RAPGEF4: variants seen among roughly 807,000 people sequenced by gnomAD.
The protein encoded by RAPGEF4 is RAP guanine-nucleotide-exchange factor (GEF) 4.
In RAPGEF4, 66 loss-of-function variants were observed where a neutral mutation model predicts 147.9. The ratio of observed to expected loss-of-function variants is 0.45; its 90% CI spans 0.37 to 0.55. The LOEUF is 0.55. Among genes scored for constraint, RAPGEF4 ranks in the 20% least tolerant of loss-of-function variants. The pLI is 0.00. For synonymous variants in RAPGEF4, 419 were observed against 442.7 expected, an observed-to-expected ratio of 0.95 and a Z score of 0.67; for missense variants, 1,071 against 1,257.3, an observed-to-expected ratio of 0.85 and a Z score of 2.24.
rs77728455 is a variant in RAPGEF4, at chr2:172,937,989, A to C, written c.537+15689A>C. On this transcript the variant is annotated intron_variant, in intron 6 of 30. Transcript: ENST00000397081. Reference sequence around the variant, plus strand: ...TTTGTTTTATTTTGTTTTATGGAGCACTGCCTTACCTGTGGCACAACTAGT... The same window carrying C: ...TTTGTTTTATTTTGTTTTATGGAGCCCTGCCTTACCTGTGGCACAACTAGT... 2.1e-3 allele frequency among the ~76,000 whole-genome samples: 325 copies of C among 152,180 alleles called. 1 individual carries two copies. Among genetic ancestry groups the C allele is most frequent in the African/African-American group, 7.3e-3 (304 of 41,514 alleles).
intron 6 of RAPGEF4, among the ~76,000 whole-genome samples, chr2:172,929,055 CA>C (rs1406318007): frequency 7.9e-5 from 12 of 152,104 alleles, no homozygotes; most frequent in Non-Finnish European, 1.3e-4. Flanking sequence ...TCGTCATCAC[CA>C]GTTACTTTGG....
At chr2:172,798,927 A>G (rs1266760747) in intron 3 of RAPGEF4, among the ~76,000 whole-genome samples, 1 of 152,182 alleles carries the variant, frequency 6.6e-6, no homozygotes, top group African/African-American at 2.4e-5. Flanking sequence ...TGAAAATTCC[A>G]TTAGACACAG....
intron 6 of RAPGEF4, among the ~76,000 whole-genome samples, chr2:172,925,143 C>A (rs1231104815): frequency 6.6e-6 from 1 of 152,144 alleles, no homozygotes; most frequent in Non-Finnish European, 1.5e-5. Context: ...CCATGCCTGG[C>A]TAATTTTTTC....
intron 1 of RAPGEF4, among the ~76,000 whole-genome samples, chr2:172,750,271 T>G (rs991843163): frequency 6.6e-6 from 1 of 152,032 alleles, no homozygotes; most frequent in Non-Finnish European, 1.5e-5. Flanking sequence ...CCGAGACTGG[T>G]TAATTTATAA....
intron 6 of RAPGEF4, among the ~76,000 whole-genome samples, chr2:172,934,545 A>G (rs1392123102): frequency 6.6e-6 from 1 of 152,198 alleles, no homozygotes; most frequent in East Asian, 1.9e-4. Context: ...GTCCAATGCA[A>G]TGAATTATTG....
At chr2:172,836,209 A>G (rs964119707) in intron 4 of RAPGEF4, among the ~76,000 whole-genome samples, 5 of 152,204 alleles carry the variant, frequency 3.3e-5, no homozygotes, top group South Asian at 4.1e-4. Context: ...CTTCCTTTGA[A>G]TGCCAAAAAT....
intron 17 of RAPGEF4, among the ~76,000 whole-genome samples, chr2:173,003,828 A>C (rs4972524): frequency 0.28 from 42,239 of 152,098 alleles, 6,482 homozygotes; most frequent in African/African-American, 0.39. Flanking sequence ...TGCTTAACAG[A>C]ACACCTGCAA....
At chr2:172,990,025 AAAAAG>A (rs1395768136) in intron 14 of RAPGEF4, among the ~76,000 whole-genome samples, 1 of 151,768 alleles carries the variant, frequency 6.6e-6, no homozygotes, top group Non-Finnish European at 1.5e-5. Flanking sequence ...TGCAAAAAAA[AAAAAG>A]AAAAGAAAAA....
chr2:172,822,983 G>A (rs1689243488), intron 4 of RAPGEF4, among the ~76,000 whole-genome samples: 1 of 152,190 alleles, frequency 6.6e-6, no homozygotes, highest in African/African-American at 2.4e-5. Context: ...CCCTCTGTCT[G>A]CTTTTCTGTG....
chr2:172,879,422 A>T (rs1696348324), intron 4 of RAPGEF4, among the ~76,000 whole-genome samples: 1 of 152,248 alleles, frequency 6.6e-6, no homozygotes, highest in South Asian at 2.1e-4. Flanking sequence ...GTAATACTAT[A>T]TACCAAACCG....
intron 3 of RAPGEF4, among the ~76,000 whole-genome samples, chr2:172,809,242 T>G (rs906032830): frequency 6.6e-6 from 1 of 152,064 alleles, no homozygotes; most frequent in Non-Finnish European, 1.5e-5. Context: ...GGTAGCATGA[T>G]GAGACTTGGC....
chr2:172,882,306 C>T (rs1298557586), intron 4 of RAPGEF4, among the ~76,000 whole-genome samples: 1 of 152,156 alleles, frequency 6.6e-6, no homozygotes, highest in Non-Finnish European at 1.5e-5. Flanking sequence ...TTCCTCTTTG[C>T]AGTCCTGTGT....
At chr2:172,948,530 G>A (rs945541487) in intron 6 of RAPGEF4, among the ~76,000 whole-genome samples, 17 of 152,084 alleles carry the variant, frequency 1.1e-4, no homozygotes, top group Non-Finnish European at 5.9e-5. Context: ...CAGGATCCAA[G>A]ACAGTCTGTT....
chr2:172,831,391 C>T (rs1224405904), intron 4 of RAPGEF4, among the ~76,000 whole-genome samples: 1 of 150,484 alleles, frequency 6.6e-6, no homozygotes, highest in South Asian at 2.1e-4. Context: ...GCCTCAGCCT[C>T]CTGAGTAGCT....
At chr2:172,847,059 T>G (rs1482579985) in intron 4 of RAPGEF4, among the ~76,000 whole-genome samples, 1 of 152,210 alleles carries the variant, frequency 6.6e-6, no homozygotes, top group Non-Finnish European at 1.5e-5. Flanking sequence ...AATACCATTC[T>G]GGCAAGAATC....
At chr2:172,866,409 T>G in intron 4 of RAPGEF4, among the ~76,000 whole-genome samples, 1 of 152,146 alleles carries the variant, frequency 6.6e-6, no homozygotes, top group East Asian at 1.9e-4. Context: ...CTTGAAATAT[T>G]ATTTTCTTGC....
At chr2:173,007,447 C>T (rs1694595119) in intron 17 of RAPGEF4, among the ~76,000 whole-genome samples, 1 of 152,086 alleles carries the variant, frequency 6.6e-6, no homozygotes. Context: ...AGACTTAAAC[C>T]CAGAAATGCC....
chr2:172,983,211 A>G (rs1691866281), intron 10 of RAPGEF4, among the ~76,000 whole-genome samples: 1 of 152,196 alleles, frequency 6.6e-6, no homozygotes, highest in South Asian at 2.1e-4. Flanking sequence ...ACAAAGTGAG[A>G]GATGAGTTGG....
At chr2:172,933,710 A>C (rs1284962525) in intron 6 of RAPGEF4, among the ~76,000 whole-genome samples, 1 of 152,216 alleles carries the variant, frequency 6.6e-6, no homozygotes, top group Non-Finnish European at 1.5e-5. Context: ...TTATATATTT[A>C]AGATCATTTA....
Sources: allele counts gnomAD v4.1 joint callset (sites outside exome capture counted in the v4.1 genomes callset), GRCh38; gene constraint gnomAD v4.1.1; transcripts MANE v1.5; gene names NCBI Gene and HGNC (gene_info 2026-07-23, HGNC 2026-07-21).